ZSWIM5: variants seen among roughly 807,000 people sequenced by gnomAD.
ZSWIM5 encodes the protein zinc finger SWIM domain-containing protein 5.
Under a neutral mutation model 119.6 loss-of-function variants are expected in ZSWIM5, and 55 were observed. That is an observed-to-expected ratio of 0.46 (90% CI 0.37 to 0.58). ZSWIM5 has a LOEUF of 0.58. Ranked by LOEUF, ZSWIM5 falls within the 20% of genes least tolerant of loss-of-function variation. The probability of loss-of-function intolerance (pLI) is 0.00; values close to 1 mark genes in which losing one functional copy is unlikely to be tolerated. For missense variants in ZSWIM5, 1,193 were observed against 1,512.8 expected (o/e 0.79, Z 3.51); for synonymous variants, 537 against 606.9 (o/e 0.88, Z 1.69).
At chr1:45,124,608 T>C (rs1054948101) in intron 1 of ZSWIM5, among the ~76,000 whole-genome samples, 1 of 151,948 alleles carries the variant, frequency 6.6e-6, no homozygotes, top group African/African-American at 2.4e-5. Flanking sequence ...ATGAAAGACA[T>C]GTCAAAACAT....
intron 1 of ZSWIM5, among the ~76,000 whole-genome samples, chr1:45,199,437 T>C (rs1646146487): frequency 2.0e-5 from 3 of 152,112 alleles, no homozygotes; most frequent in Admixed American, 1.3e-4. Context: ...TAGCTGGGAC[T>C]ACAGGCATAC....
At chr1:45,029,307 C>A (rs1644938352) in intron 11 of ZSWIM5, among the ~76,000 whole-genome samples, 1 of 152,210 alleles carries the variant, frequency 6.6e-6, no homozygotes, top group African/African-American at 2.4e-5. Context: ...ACATTCATGA[C>A]CTTGACACTT....
In ZSWIM5 at chr1:45,153,755, C is replaced by T. The variant is rs190848402; in HGVS notation, c.595+52001G>A. Among the ~76,000 whole-genome samples the T allele has an allele frequency of 2.6e-5, 4 of 151,416 alleles. No individual in the cohort carries two copies. In the East Asian group the frequency reaches 5.8e-4, roughly 22 times the overall value. ...GGAAGTCCTAGCTAGAGCAATCAGACGAGACAAAGAAATAAAAGGTATCTA... is the reference window on the plus strand; with the variant it reads ...GGAAGTCCTAGCTAGAGCAATCAGATGAGACAAAGAAATAAAAGGTATCTA... On this transcript the variant is annotated intron_variant, in intron 1 of 13. Coordinates refer to ENST00000359600, the MANE Select transcript of ZSWIM5 (RefSeq NM_020883.2).
At chr1:45,070,023 G>A in intron 2 of ZSWIM5, 1 of 775,990 alleles carries the variant, frequency 1.3e-6, no homozygotes, top group South Asian at 1.4e-5. Flanking sequence ...GAATACTTGA[G>A]TAGCTATGAA....
rs527330878 is a variant in ZSWIM5, at chr1:45,081,309, C to T, written c.952+6572G>A. 2.6e-5 allele frequency among the ~76,000 whole-genome samples: 4 copies of T among 151,936 alleles called. No individual in the cohort carries two copies. In the South Asian group the frequency reaches 8.4e-4, roughly 32 times the overall value. ...GTCTCCCTCTCCCCATGGTCTCCCT[C>T]TCCCCATGGTCTCCCTCTCCCTCTC... On this transcript the variant is annotated intron_variant, in intron 2 of 13. Transcript: ENST00000359600.
At position 45,072,666 on chromosome 1, in the gene ZSWIM5, T is replaced by G. The variant is rs1645231165; in HGVS notation, c.953-12419A>C. Among the ~76,000 whole-genome samples, 1 of 152,000 alleles carries G rather than the reference T, an allele frequency of 6.6e-6. No individual in the cohort carries two copies. Among genetic ancestry groups the G allele is most frequent in the Non-Finnish European group, 1.5e-5 (1 of 68,032 alleles). On this transcript the variant is annotated intron_variant, in intron 2 of 13. Coordinates refer to ENST00000359600, the MANE Select transcript of ZSWIM5 (RefSeq NM_020883.2). The surrounding 1 kb of genome is among the most constrained non-coding windows in gnomAD (Gnocchi z 4.1). The stretch of plus-strand genomic sequence containing the variant: ...GGATATCCAGTTTCCTAGCATCCAT[T>G]TATTGAAAAAACTGTCTTTTCCCCA...
intron 1 of ZSWIM5, among the ~76,000 whole-genome samples, chr1:45,183,531 A>T (rs1006461222): frequency 2.6e-5 from 4 of 152,182 alleles, no homozygotes; most frequent in Admixed American, 2.6e-4. Context: ...AAGAGAGAAG[A>T]ATCAAATAGG....
chr1:45,058,499 A>G, intron 4 of ZSWIM5, 110 bp downstream of exon 4: 2 of 1,398,066 alleles, frequency 1.4e-6, no homozygotes, highest in East Asian at 2.3e-5. Flanking sequence ...GTCTTCTACC[A>G]GCTGGACTTA....
At chr1:45,076,044 C>T (rs1645254930) in intron 2 of ZSWIM5, among the ~76,000 whole-genome samples, 2 of 152,022 alleles carry the variant, frequency 1.3e-5, no homozygotes, top group Non-Finnish European at 1.5e-5. Context: ...TGCTTCTTAA[C>T]TTTTTGTTGT....
chr1:45,139,389 CT>C (rs1397877777), intron 1 of ZSWIM5, among the ~76,000 whole-genome samples: 1 of 148,146 alleles, frequency 6.8e-6, no homozygotes, highest in Non-Finnish European at 1.5e-5. Context: ...TCTCTCTCTC[CT>C]CCTCCCTCCC....
chr1:45,193,932 A>ATG (rs1646106771), intron 1 of ZSWIM5, among the ~76,000 whole-genome samples: 1 of 149,874 alleles, frequency 6.7e-6, no homozygotes, highest in African/African-American at 2.5e-5. Flanking sequence ...ATATGTGTGC[A>ATG]TATGTGTATA....
At chr1:45,166,142 G>C (rs1219617549) in intron 1 of ZSWIM5, among the ~76,000 whole-genome samples, 1 of 147,584 alleles carries the variant, frequency 6.8e-6, no homozygotes, top group African/African-American at 2.5e-5. Flanking sequence ...CTTCATCCCT[G>C]GGATGCAAAG....
chr1:45,056,410 T>C (rs944896573), intron 4 of ZSWIM5, among the ~76,000 whole-genome samples: 2 of 152,046 alleles, frequency 1.3e-5, no homozygotes, highest in African/African-American at 4.8e-5. Context: ...CTGGCCAACA[T>C]GGTGAAACCC....
At chr1:45,023,757 T>C (rs540422480) in intron 11 of ZSWIM5, among the ~76,000 whole-genome samples, 1 of 152,298 alleles carries the variant, frequency 6.6e-6, no homozygotes, top group South Asian at 2.1e-4. Flanking sequence ...CATACAGTAA[T>C]ACTATGTTGA....
rs1267203382 is a variant in ZSWIM5, at chr1:45,087,806, G to C, written c.952+75C>G. 3 of 1,034,574 alleles carry C rather than the reference G, an allele frequency of 2.9e-6. No homozygotes were observed. In the African/African-American group the frequency reaches 4.8e-5, roughly 17 times the overall value. The allele number at this position is 1,034,574 out of a possible 1,614,324, so 64.1% of individuals were successfully genotyped here. On this transcript the variant is annotated intron_variant, in intron 2 of 13. Coordinates refer to ENST00000359600, the MANE Select transcript of ZSWIM5 (RefSeq NM_020883.2). ...TAACATGCAATAAAGCAACAAAGTA[G>C]AGGTAAGAGGGTTGCTTTGGTGACA...
chr1:45,018,412 C>T lies in ZSWIM5; in HGVS notation c.*42G>A. On this transcript the variant is annotated 3_prime_UTR_variant, in exon 14 of 14. Coordinates refer to ENST00000359600, the MANE Select transcript of ZSWIM5 (RefSeq NM_020883.2). The surrounding 1 kb of genome is among the most constrained non-coding windows in gnomAD (Gnocchi z 6.7). ...GTGCCCTTGGCCTGACCTGATACTA[C>T]CTGGGAACCCAGGCTGCTCTGGCAG... 6.3e-7 allele frequency: 1 copy of T among 1,591,062 alleles called. No homozygotes were observed. The highest frequency in any genetic ancestry group is 1.3e-5 in the African/African-American group (1 of 74,740).
chr1:45,110,510 G>A (rs1402237771), intron 1 of ZSWIM5, among the ~76,000 whole-genome samples: 1 of 152,134 alleles, frequency 6.6e-6, no homozygotes, highest in Admixed American at 6.6e-5. Flanking sequence ...GTCCTGGAGG[G>A]TGAATGAAAA....
intron 2 of ZSWIM5, chr1:45,070,185 T>C: frequency 7.4e-7 from 1 of 1,347,062 alleles, no homozygotes; most frequent in South Asian, 1.2e-5. Flanking sequence ...CATAATATAC[T>C]GTCCATTTAC....
intron 2 of ZSWIM5, among the ~76,000 whole-genome samples, chr1:45,080,355 C>T (rs1487984017): frequency 6.6e-6 from 1 of 152,184 alleles, no homozygotes; most frequent in Admixed American, 6.5e-5. Context: ...TAAATGCTCC[C>T]TCTATGGGGA....
Sources: gnomAD v4.1 joint callset for allele counts (sites outside exome capture counted in the v4.1 genomes callset) on GRCh38, gnomAD v4.1.1 for gene constraint, Gnocchi (gnomAD v3.1) non-coding constraint, MANE v1.5 for transcripts, NCBI Gene and HGNC (gene_info 2026-07-23, HGNC 2026-07-21) for gene names.